Variants in GABRB1 observed in about 807,000 individuals in gnomAD.
GABRB1 encodes the protein gamma-aminobutyric acid receptor subunit beta-1.
Under a neutral mutation model 51.6 loss-of-function variants are expected in GABRB1, and 17 were observed. The observed-to-expected ratio is 0.33, with a 90% CI of 0.23 to 0.49. The LOEUF (loss-of-function observed/expected upper bound fraction) is 0.49, where lower values mean the gene tolerates loss of function less well. GABRB1 is among the 20% of genes least tolerant of loss of function. GABRB1 has a pLI of 0.99. For missense variants in GABRB1, 410 were observed against 600.6 expected (o/e 0.68, Z 3.32); for synonymous variants, 247 against 218.9 (o/e 1.13, Z -1.14).
At chr4:47,141,265 C>T (rs1475634942) in intron 3 of GABRB1, among the ~76,000 whole-genome samples, 1 of 151,962 alleles carries the variant, frequency 6.6e-6, no homozygotes, top group Admixed American at 6.6e-5. Context: ...TCCCGTCCAT[C>T]AGCCTGCTTC....
At chr4:47,351,367 T>G (rs79787172) in intron 5 of GABRB1, among the ~76,000 whole-genome samples, 1,809 of 152,240 alleles carry the variant, frequency 0.012, 35 homozygotes, top group African/African-American at 0.042. Context: ...CAAGACAAAT[T>G]GTTCATTCCA....
chr4:47,055,713 C>A (rs555569977), intron 3 of GABRB1, among the ~76,000 whole-genome samples: 1 of 152,254 alleles, frequency 6.6e-6, no homozygotes, highest in African/African-American at 2.4e-5. Context: ...AAACCTTGAG[C>A]AAAGTTGTCC....
upstream of GABRB1, among the ~76,000 whole-genome samples, chr4:47,030,545 T>C (rs1725256127): frequency 4.6e-5 from 7 of 152,188 alleles, no homozygotes; most frequent in Admixed American, 4.6e-4. Flanking sequence ...CCTTTTTGAA[T>C]CAGTTATAAG....
At chr4:47,324,288 G>A (rs946334355) in intron 5 of GABRB1, among the ~76,000 whole-genome samples, 48 of 152,108 alleles carry the variant, frequency 3.2e-4, no homozygotes, top group Admixed American at 1.1e-3. Context: ...GGCCCTGCCC[G>A]CTGTGCTTAG....
rs1034145119 is a variant in GABRB1, at chr4:47,195,273, A to T, written c.461+33804A>T. Among the ~76,000 whole-genome samples the T allele has an allele frequency of 1.4e-4, 22 of 152,242 alleles. No homozygotes were observed. The Middle Eastern group carries it at 0.014, about 94-fold the overall frequency. ...TCCCAGCTACTTGGGAGAGTGAGGCAGGAGAATGGCGTGAACCCGGGAGGT... is the reference window on the plus strand; with the variant it reads ...TCCCAGCTACTTGGGAGAGTGAGGCTGGAGAATGGCGTGAACCCGGGAGGT... On this transcript the variant is annotated intron_variant, in intron 4 of 8. Transcript: ENST00000295454.
chr4:47,065,157 A>C (rs140779040), intron 3 of GABRB1, among the ~76,000 whole-genome samples: 4 of 152,314 alleles, frequency 2.6e-5, no homozygotes, highest in African/African-American at 9.6e-5. Flanking sequence ...ATTGGGAAAA[A>C]CTGGCGACAT....
intron 4 of GABRB1, among the ~76,000 whole-genome samples, chr4:47,293,854 G>A (rs111571429): frequency 0.015 from 2,243 of 152,138 alleles, 25 homozygotes; most frequent in Non-Finnish European, 0.023. Context: ...AGAAAACTAG[G>A]GAGTGTAATA....
intron 4 of GABRB1, among the ~76,000 whole-genome samples, chr4:47,244,763 G>A (rs1052343777): frequency 7.2e-5 from 11 of 152,160 alleles, no homozygotes; most frequent in Non-Finnish European, 1.6e-4. Flanking sequence ...ATGACGAAAT[G>A]AAGGCAGAAA....
intron 4 of GABRB1, among the ~76,000 whole-genome samples, chr4:47,258,758 T>C (rs1722313388): frequency 6.6e-6 from 1 of 152,134 alleles, no homozygotes; most frequent in South Asian, 2.1e-4. Context: ...TTGCAATCAA[T>C]ATATACATGG....
chr4:47,238,146 C>A (rs887489442), intron 4 of GABRB1, among the ~76,000 whole-genome samples: 5 of 151,612 alleles, frequency 3.3e-5, no homozygotes, highest in African/African-American at 1.2e-4. Flanking sequence ...AATGGATATG[C>A]CTGAACATGT....
chr4:47,347,304 T>G (rs1726137602), intron 5 of GABRB1, among the ~76,000 whole-genome samples: 1 of 151,114 alleles, frequency 6.6e-6, no homozygotes, highest in South Asian at 2.1e-4. Context: ...TAATAATAAT[T>G]AATAATAATA....
At chr4:47,135,069 A>G (rs1481861812) in intron 3 of GABRB1, among the ~76,000 whole-genome samples, 1 of 152,180 alleles carries the variant, frequency 6.6e-6, no homozygotes, top group Admixed American at 6.5e-5. Flanking sequence ...GCAGTGAGCT[A>G]TGATCACACC....
chr4:47,022,437 A>G (rs961703365), intron 1 of GABRB1, among the ~76,000 whole-genome samples: 17 of 152,130 alleles, frequency 1.1e-4, no homozygotes, highest in Non-Finnish European at 2.5e-4. Context: ...AAGAATGACA[A>G]ATTATTCTTT....
intron 3 of GABRB1, among the ~76,000 whole-genome samples, chr4:47,108,230 A>G (rs1715054254): frequency 6.6e-6 from 1 of 152,080 alleles, no homozygotes; most frequent in Non-Finnish European, 1.5e-5. Flanking sequence ...GAATTTTTAA[A>G]AGAATACTTT....
intron 3 of GABRB1, among the ~76,000 whole-genome samples, chr4:47,091,814 C>T (rs551883903): frequency 2.0e-5 from 3 of 152,340 alleles, no homozygotes; most frequent in Admixed American, 6.5e-5. Context: ...TGGCACTCCA[C>T]GCCTCTGCCC....
At chr4:47,162,358 C>T (rs781139105) in intron 4 of GABRB1, among the ~76,000 whole-genome samples, 14 of 151,804 alleles carry the variant, frequency 9.2e-5, no homozygotes, top group Admixed American at 1.3e-4. Context: ...AGAGTAATTC[C>T]ATGACTCAAT....
chr4:47,209,702 G>A (rs779533284), intron 4 of GABRB1, among the ~76,000 whole-genome samples: 1 of 151,574 alleles, frequency 6.6e-6, no homozygotes, highest in Non-Finnish European at 1.5e-5. Flanking sequence ...CTTGCTAATT[G>A]AATCAGTGAA....
At chr4:47,008,853 C>CTTTTTTTTTTTTTTTTTTTTT (rs1491180948) in intron 1 of GABRB1, among the ~76,000 whole-genome samples, 1 of 80,066 alleles carries the variant, frequency 1.2e-5, no homozygotes, top group Non-Finnish European at 2.2e-5. Flanking sequence ...CAGATACTAC[C>CTTTTTTTTTTTTTTTTTTTTT]TTTTTTTTTT....
intron 3 of GABRB1, among the ~76,000 whole-genome samples, chr4:47,050,108 T>G (rs1018020854): frequency 6.6e-6 from 1 of 152,192 alleles, no homozygotes; most frequent in Non-Finnish European, 1.5e-5. Flanking sequence ...CATATTTGGA[T>G]ATTCACATTG....
Sources: gnomAD v4.1 joint callset for allele counts (sites outside exome capture counted in the v4.1 genomes callset) on GRCh38, gnomAD v4.1.1 for gene constraint, MANE v1.5 for transcripts, NCBI Gene and HGNC (gene_info 2026-07-23, HGNC 2026-07-21) for gene names.